The following EPHB1 variants were observed in gnomAD, a reference collection of about 807,000 sequenced individuals.
EPHB1 encodes the protein ephrin type-B receptor 1.
A neutral mutation model predicts 94.4 loss-of-function variants in EPHB1; 30 were observed. The observed-to-expected ratio is 0.32, with a 90% CI of 0.24 to 0.43. The LOEUF (loss-of-function observed/expected upper bound fraction) is 0.43. EPHB1 is among the 20% of genes least tolerant of loss of function. The pLI is 1.00. For missense variants in EPHB1, 1,055 were observed against 1,308.3 expected (o/e 0.81, Z 2.99); for synonymous variants, 522 against 489.1 (o/e 1.07, Z -0.89).
intron 6 of EPHB1, among the ~76,000 whole-genome samples, chr3:135,156,069 A>G (rs1324558019): frequency 6.6e-6 from 1 of 152,048 alleles, no homozygotes; most frequent in African/African-American, 2.4e-5. Context: ...GGGCATGGGA[A>G]GGTTTTAGCC....
rs1267987107 is a variant in EPHB1, at chr3:134,925,844, T to G, written c.87T>G (p.Thr29=). Residue 29 remains threonine, a synonymous_variant, in exon 2 of 16, where the codon ACT becomes ACG. Transcript: ENST00000398015. ...EETLMDTRTA[T]AELGWTANPA... is the part of the protein sequence containing the mutation. ...CGTTAATGGACACCAGAACGGCTAC[T>G]GCAGAGCTGGGCTGGACGGCCAATC... 6.2e-7 allele frequency: 1 copy of G among 1,605,072 alleles called. No homozygotes were observed.
intron 3 of EPHB1, among the ~76,000 whole-genome samples, chr3:135,096,931 A>C (rs747052749): frequency 4.6e-5 from 7 of 152,058 alleles, no homozygotes; most frequent in Non-Finnish European, 1.0e-4. Flanking sequence ...CCCCGTCTCT[A>C]CTTAAAAAAC....
Position 135,249,518 on chromosome 3 carries a change from G to A in EPHB1, c.2846+27G>A, listed in dbSNP as rs763277813. 11 of 1,604,712 alleles carry A rather than the reference G, an allele frequency of 6.9e-6. No homozygotes were observed. The East Asian group carries it at 2.5e-4, about 36-fold the overall frequency. On this transcript the variant is annotated intron_variant, in intron 15 of 15. Transcript: ENST00000398015. ...TAAGTGATGAGAATCTCTCTGTCCAGACCACACCTAGGGGTCAGTGCTCCT... is the reference window on the plus strand; with the variant it reads ...TAAGTGATGAGAATCTCTCTGTCCAAACCACACCTAGGGGTCAGTGCTCCT...
rs145944590 is a variant in EPHB1 at position 134,930,601 on chromosome 3, G to C, written c.123+4721G>C. Among the ~76,000 whole-genome samples the C allele has an allele frequency of 3.8e-3, 578 of 152,318 alleles. 2 individuals are homozygous for C. Among genetic ancestry groups the C allele is most frequent in the African/African-American group, 0.013 (557 of 41,568 alleles). On this transcript the variant is annotated intron_variant, in intron 2 of 15. Transcript: ENST00000398015. ...CTCTAGGCAGTGGGGAGTTCAGAGA[G>C]GTCCTGTGGATAAACAGTCAGCGCT...
At chr3:135,123,859 C>T (rs976682750) in intron 4 of EPHB1, among the ~76,000 whole-genome samples, 2 of 151,678 alleles carry the variant, frequency 1.3e-5, no homozygotes, top group African/African-American at 4.9e-5. Context: ...GCCACCATCA[C>T]CTCTCCCCTA....
chr3:134,869,484 G>A (rs904007321), intron 1 of EPHB1, among the ~76,000 whole-genome samples: 35 of 152,146 alleles, frequency 2.3e-4, no homozygotes, highest in African/African-American at 7.5e-4. Context: ...TGGATGGACC[G>A]TGGGAGGGTT....
intron 1 of EPHB1, among the ~76,000 whole-genome samples, chr3:134,873,698 C>T (rs900219648): frequency 2.6e-5 from 4 of 152,140 alleles, no homozygotes; most frequent in African/African-American, 9.7e-5. Flanking sequence ...GCCAGAGGGC[C>T]CTGGCCACGC....
At chr3:135,099,121 A>T (rs546256510) in intron 3 of EPHB1, among the ~76,000 whole-genome samples, 1 of 150,812 alleles carries the variant, frequency 6.6e-6, no homozygotes, top group Non-Finnish European at 1.5e-5. Flanking sequence ...TATTATTATT[A>T]TCATCACAGC....
intron 2 of EPHB1, among the ~76,000 whole-genome samples, chr3:134,944,129 C>T (rs1307671264): frequency 3.9e-5 from 6 of 152,136 alleles, no homozygotes; most frequent in Admixed American, 3.9e-4. Context: ...CCCCATTTCC[C>T]TCTATGGCCC....
chr3:135,147,041 G>C (rs775720182), intron 5 of EPHB1, among the ~76,000 whole-genome samples: 6 of 152,180 alleles, frequency 3.9e-5, no homozygotes, highest in Non-Finnish European at 8.8e-5. Flanking sequence ...AAGGCCTTGG[G>C]TTAACCTTAT....
intron 5 of EPHB1, among the ~76,000 whole-genome samples, chr3:135,135,773 G>A (rs1940600103): frequency 6.6e-6 from 1 of 152,202 alleles, no homozygotes; most frequent in Non-Finnish European, 1.5e-5. Flanking sequence ...GGAGTCCTGG[G>A]ATCAATCATT....
At chr3:135,214,922 G>A (rs1276202644) in intron 12 of EPHB1, among the ~76,000 whole-genome samples, 2 of 152,182 alleles carry the variant, frequency 1.3e-5, no homozygotes, top group Non-Finnish European at 2.9e-5. Context: ...GGAATGCAGG[G>A]TTTGGATCAC....
intron 2 of EPHB1, among the ~76,000 whole-genome samples, chr3:134,941,533 C>T (rs886706789): frequency 1.3e-5 from 2 of 152,266 alleles, no homozygotes; most frequent in East Asian, 1.9e-4. Flanking sequence ...TTAGTTTGCT[C>T]ATCCATCTCA....
chr3:135,141,387 C>T (rs1056306540), intron 5 of EPHB1, among the ~76,000 whole-genome samples: 14 of 152,116 alleles, frequency 9.2e-5, no homozygotes, highest in African/African-American at 3.4e-4. Flanking sequence ...TGAGGGCTCC[C>T]AAGGGAAAAG....
chr3:134,843,973 T>G (rs924247221), intron 1 of EPHB1, among the ~76,000 whole-genome samples: 1 of 152,250 alleles, frequency 6.6e-6, no homozygotes, highest in Non-Finnish European at 1.5e-5. Context: ...CATAATTTTC[T>G]GTTGAAAATG....
rs1174072566 is a variant in EPHB1, at chr3:134,863,304, C to T, written c.59-62512C>T. Among the ~76,000 whole-genome samples the T allele has an allele frequency of 2.6e-5, 4 of 152,348 alleles. No homozygotes were observed. The East Asian group carries it at 7.7e-4, about 29-fold the overall frequency. On this transcript the variant is annotated intron_variant, in intron 1 of 15. Transcript: ENST00000398015. Reference sequence around the variant, plus strand: ...CTGGACTGGCCTGTTTCGCATCATACTGCAATTGCTTATGTACACAGCCAG... The same window carrying T: ...CTGGACTGGCCTGTTTCGCATCATATTGCAATTGCTTATGTACACAGCCAG...
In EPHB1 at chr3:135,182,824, T is replaced by C. The variant is rs537447393; in HGVS notation, c.1882+2842T>C. Among the ~76,000 whole-genome samples, 5 of 152,284 alleles carry C rather than the reference T, an allele frequency of 3.3e-5. No individual in the cohort carries two copies. In the South Asian group the frequency reaches 1.0e-3, roughly 32 times the overall value. On this transcript the variant is annotated intron_variant, in intron 10 of 15. Transcript: ENST00000398015. The stretch of plus-strand genomic sequence containing the variant: ...GCCTGCAGTAGCTTGCAAGAGCCAA[T>C]TATGCACATCTGTTTCTAGCCCCAT...
At chr3:134,804,560 G>T (rs141923144) in intron 1 of EPHB1, among the ~76,000 whole-genome samples, 8 of 152,096 alleles carry the variant, frequency 5.3e-5, no homozygotes, top group Non-Finnish European at 8.8e-5. Context: ...GGTGTGTGTG[G>T]GGGGGAGGAA....
At chr3:134,868,877 C>T (rs946591775) in intron 1 of EPHB1, among the ~76,000 whole-genome samples, 3 of 152,228 alleles carry the variant, frequency 2.0e-5, no homozygotes, top group African/African-American at 4.8e-5. Context: ...GCCTTGCTGT[C>T]GTGCTGTGCC....
Sources: allele counts gnomAD v4.1 joint callset (sites outside exome capture counted in the v4.1 genomes callset), GRCh38; gene constraint gnomAD v4.1.1; transcripts MANE v1.5; gene names NCBI Gene and HGNC (gene_info 2026-07-23, HGNC 2026-07-21).